The following KYAT1 variants were observed in gnomAD, a reference collection of about 807,000 sequenced individuals.
The protein encoded by KYAT1 is kynurenine aminotransferase 1, also known as kynurenine--oxoglutarate transaminase 1.
In KYAT1, 47 loss-of-function variants were observed where a neutral mutation model predicts 52.4. The observed-to-expected ratio is 0.90, with a 90% CI of 0.71 to 1.14. The LOEUF is 1.14. Among genes scored for constraint, KYAT1 ranks in the 50% most tolerant of loss-of-function variants. The pLI is 0.00. For synonymous variants in KYAT1, 212 were observed against 209.6 expected (o/e 1.01, Z -0.10); for missense variants, 480 against 557.9 (o/e 0.86, Z 1.41).
chr9:128,846,956 T>C, intron 1 of KYAT1: 1 of 1,102,762 alleles, frequency 9.1e-7, no homozygotes. Flanking sequence ...ATAGTCTCCA[T>C]CTAACAGATG....
chr9:128,876,574 C>T (rs188368517), intron 1 of KYAT1, among the ~76,000 whole-genome samples: 2,834 of 150,786 alleles, frequency 0.019, 37 homozygotes, highest in Non-Finnish European at 0.029. Flanking sequence ...CCCGCCACCA[C>T]GCCCTGCTAA....
At chr9:128,869,245 T>C (rs1836874865) in intron 1 of KYAT1, among the ~76,000 whole-genome samples, 1 of 151,938 alleles carries the variant, frequency 6.6e-6, no homozygotes, top group Non-Finnish European at 1.5e-5. Flanking sequence ...CACTGCAAGC[T>C]CTGCCTCCCG....
chr9:128,857,590 AC>A (rs1451015243), intron 1 of KYAT1, among the ~76,000 whole-genome samples: 1 of 152,234 alleles, frequency 6.6e-6, no homozygotes, highest in Non-Finnish European at 1.5e-5. Flanking sequence ...TAATCCCAGC[AC>A]TTTGGGAGGC....
intron 11 of KYAT1, 110 bp from the exon 12 acceptor site, chr9:128,833,936 C>A: frequency 1.3e-6 from 1 of 775,398 alleles, no homozygotes; most frequent in Non-Finnish European, 2.2e-6. Flanking sequence ...GAGTTAGCTC[C>A]AATCCAGCAC....
chr9:128,879,716 A>G (rs1355487637), intron 1 of KYAT1, among the ~76,000 whole-genome samples: 2 of 152,146 alleles, frequency 1.3e-5, no homozygotes, highest in Non-Finnish European at 2.9e-5. Context: ...TTCCAGTCAC[A>G]TTGAAAGTCC....
rs539531091 is a variant in KYAT1 at position 128,856,985 on chromosome 9, G to A, written c.-6-11574C>T. 3.4e-3 allele frequency among the ~76,000 whole-genome samples: 514 copies of A among 152,252 alleles called. 1 individual carries two copies. Among genetic ancestry groups the A allele is most frequent in the African/African-American group, 0.011 (452 of 41,554 alleles). On this transcript the variant is annotated intron_variant, in intron 1 of 12. Transcript: ENST00000302586. The stretch of plus-strand genomic sequence containing the variant: ...CCTGCCCCTGGGAACTGAATGTCTC[G>A]GTATAAAACCTGATTATACATTTGT...
intron 1 of KYAT1, among the ~76,000 whole-genome samples, chr9:128,861,101 A>AG (rs1343210876): frequency 2.6e-5 from 4 of 152,230 alleles, no homozygotes; most frequent in African/African-American, 9.6e-5. Flanking sequence ...CAATTTGCAA[A>AG]GACCGTGATA....
chr9:128,876,928 T>C (rs1454793547), intron 1 of KYAT1, among the ~76,000 whole-genome samples: 1 of 151,876 alleles, frequency 6.6e-6, no homozygotes, highest in Non-Finnish European at 1.5e-5. Flanking sequence ...AGATGGAGTC[T>C]CACTCTTTCA....
chr9:128,840,718 A>C, intron 3 of KYAT1: 1 of 422,808 alleles, frequency 2.4e-6, no homozygotes, highest in Non-Finnish European at 4.7e-6. Context: ...GAGGGCAATT[A>C]TTTACTTAGT....
In KYAT1 at chr9:128,858,395, TA is replaced by T. The variant is rs59939090; in HGVS notation, c.-6-12985del. 7.5e-3 allele frequency among the ~76,000 whole-genome samples: 486 copies of T among 65,068 alleles called. 9 individuals carry two copies. Among genetic ancestry groups the T allele is most frequent in the African/African-American group, 0.039 (464 of 11,838 alleles). The allele number at this position is 65,068 out of a possible 152,430, so 42.7% of individuals were successfully genotyped here. ...CTGGGCAACAGAGTGAGACCATGTA[TA>T]AAAAAAAAAAAAAAAAAAAGCCCGG... is the stretch of plus-strand genomic sequence containing the variant. On this transcript the variant is annotated intron_variant, in intron 1 of 12. Coordinates refer to ENST00000302586, the MANE Select transcript of KYAT1 (RefSeq NM_004059.5).
chr9:128,864,041 G>A (rs774261903), intron 1 of KYAT1, among the ~76,000 whole-genome samples: 4 of 151,644 alleles, frequency 2.6e-5, no homozygotes, highest in Non-Finnish European at 5.9e-5. Flanking sequence ...TAGGTGCCCC[G>A]TGGAGCCCTA....
chr9:128,860,156 A>C (rs985830302), intron 1 of KYAT1: 1 of 151,742 alleles, frequency 6.6e-6, no homozygotes, highest in Non-Finnish European at 1.5e-5. Context: ...AAAGAGGAAA[A>C]TTTTCTCCTC....
chr9:128,865,318 TATATATATATATATATATATATA>T (rs1836067511), intron 1 of KYAT1, among the ~76,000 whole-genome samples: 1 of 1,210 alleles, frequency 8.3e-4, no homozygotes, highest in Admixed American at 0.014. Context: ...CATATATATA[TATATATATATATATATATATATA>T]TATATATATA....
At chr9:128,850,684 T>C (rs1833841622) in intron 1 of KYAT1, among the ~76,000 whole-genome samples, 1 of 151,994 alleles carries the variant, frequency 6.6e-6, no homozygotes, top group African/African-American at 2.4e-5. Flanking sequence ...TGTGCTGAGG[T>C]GGATTAGTAA....
At chr9:128,842,563 C>T in intron 3 of KYAT1, 91 bp downstream of exon 3, 4 of 1,309,992 alleles carry the variant, frequency 3.1e-6, no homozygotes, top group Non-Finnish European at 3.2e-6. Flanking sequence ...TGGCTCTGTC[C>T]CCTGAAGCCT....
chr9:128,875,440 C>G (rs994472113), intron 1 of KYAT1, among the ~76,000 whole-genome samples: 1 of 151,394 alleles, frequency 6.6e-6, no homozygotes, highest in Non-Finnish European at 1.5e-5. Context: ...ATGGTGAAAC[C>G]GCGTCTCTAC....
chr9:128,847,630 C>T (rs1297588465), intron 1 of KYAT1: 4 of 628,948 alleles, frequency 6.4e-6, no homozygotes, highest in Non-Finnish European at 8.3e-6. Flanking sequence ...GACTTGGGTC[C>T]CCCACACACA....
chr9:128,854,532 C>T (rs751969961), intron 1 of KYAT1, among the ~76,000 whole-genome samples: 3 of 152,146 alleles, frequency 2.0e-5, no homozygotes, highest in Non-Finnish European at 2.9e-5. Flanking sequence ...GCGAAGCCGC[C>T]GACCTGGGCC....
chr9:128,842,837 C>T (rs772771773), intron 2 of KYAT1, 36 bp from the exon 3 acceptor site: 1 of 1,596,782 alleles, frequency 6.3e-7, no homozygotes, highest in Non-Finnish European at 8.5e-7. Flanking sequence ...CCAGCCCAGC[C>T]CTCCATGGTG....
Sources: allele counts gnomAD v4.1 joint callset (sites outside exome capture counted in the v4.1 genomes callset), GRCh38; gene constraint gnomAD v4.1.1; transcripts MANE v1.5; gene names NCBI Gene and HGNC (gene_info 2026-07-23, HGNC 2026-07-21).